The following DOCK4 variants were observed in gnomAD, a reference collection of about 807,000 sequenced individuals.
DOCK4 encodes the protein dedicator of cytokinesis 4, also known as dedicator of cytokinesis protein 4.
Under a neutral mutation model 268.1 loss-of-function variants are expected in DOCK4, and 97 were observed. The observed-to-expected ratio is 0.36, with a 90% CI of 0.31 to 0.43. The LOEUF (loss-of-function observed/expected upper bound fraction) is 0.43. DOCK4 is among the 20% of genes least tolerant of loss of function. The probability of loss-of-function intolerance (pLI) is 1.00; values close to 1 mark genes in which losing one functional copy is unlikely to be tolerated. For missense variants in DOCK4, 2,145 were observed against 2,455.7 expected, an observed-to-expected ratio of 0.87 and a Z score of 2.67; for synonymous variants, 954 against 887.2, an observed-to-expected ratio of 1.08 and a Z score of -1.34.
chr7:112,161,028 T>C (rs1285037548), intron 1 of DOCK4, among the ~76,000 whole-genome samples: 1 of 152,138 alleles, frequency 6.6e-6, no homozygotes, highest in African/African-American at 2.4e-5. Flanking sequence ...CTCAAGTGAG[T>C]CATAGGCTTT....
intron 12 of DOCK4, among the ~76,000 whole-genome samples, chr7:111,922,816 C>T (rs1416038745): frequency 7.2e-5 from 11 of 152,142 alleles, no homozygotes; most frequent in South Asian, 4.2e-4. Context: ...CTCCTGACCT[C>T]GGTATCCACC....
At position 111,790,598 on chromosome 7, in the gene DOCK4, G is replaced by C; in HGVS notation, c.3174C>G (p.His1058Gln). 6.2e-7 allele frequency: 1 copy of C among 1,611,666 alleles called. No individual in the cohort carries two copies. Among genetic ancestry groups the C allele is most frequent in the Non-Finnish European group, 8.5e-7 (1 of 1,179,042 alleles). ...IFSMWQNLGE[H>Q]KLHFIPALIG... The stretch of plus-strand genomic sequence containing the variant: ...TCAGGGCAGGGATAAAATGAAGCTT[G>C]TGCTCTCCTAAAGTGAGAAAAATAT... The change falls in exon 31 of 53, where the codon CAC (histidine) becomes CAG (glutamine). Residue 1058 changes from histidine to glutamine, a missense_variant. By Grantham distance (24) the His-to-Gln change is conservative. Transcript: ENST00000428084.
chr7:111,817,406 C>T (rs893629616), intron 27 of DOCK4, among the ~76,000 whole-genome samples: 1 of 152,116 alleles, frequency 6.6e-6, no homozygotes, highest in Admixed American at 6.6e-5. Context: ...GCATATTCCA[C>T]CTTCCTTCCT....
chr7:111,743,498 A>C lies in DOCK4; in HGVS notation c.4678-1366T>G, dbSNP rs189684448. ...TGGAGTGCAGTGTGTATGAGGCATA[A>C]AGGGAGAGGCTACATCTGTGATGAG... is the stretch of plus-strand genomic sequence containing the variant. On this transcript the variant is annotated intron_variant, in intron 44 of 52. Coordinates refer to ENST00000428084, the MANE Select transcript of DOCK4 (RefSeq NM_001363540.2). 6.0e-3 allele frequency among the ~76,000 whole-genome samples: 908 copies of C among 152,232 alleles called. 8 individuals carry two copies. The highest frequency in any genetic ancestry group is 9.7e-3 in the Non-Finnish European group (663 of 68,002).
chr7:111,980,240 A>T (rs1382611157), intron 7 of DOCK4, among the ~76,000 whole-genome samples: 3 of 152,106 alleles, frequency 2.0e-5, no homozygotes, highest in Non-Finnish European at 4.4e-5. Flanking sequence ...CATCCCCACT[A>T]TTCTTTCAGG....
chr7:112,038,205 T>C (rs1014875794), intron 1 of DOCK4, among the ~76,000 whole-genome samples: 3 of 152,228 alleles, frequency 2.0e-5, no homozygotes, highest in African/African-American at 7.2e-5. Flanking sequence ...GCTTTGTAAC[T>C]GTCTTCTTTT....
chr7:112,175,388 C>T (rs770644863), intron 1 of DOCK4, among the ~76,000 whole-genome samples: 1 of 151,940 alleles, frequency 6.6e-6, no homozygotes, highest in Non-Finnish European at 1.5e-5. Flanking sequence ...GAAATTTTTC[C>T]CTTATTTGCC....
At position 112,018,143 on chromosome 7, in the gene DOCK4, CAAAAAAAAAAAAAAAAAAAAAAA is replaced by C. The variant is rs140883588; in HGVS notation, c.38-14035_38-14013del. Among the ~76,000 whole-genome samples, 13 of 20,640 alleles carry C rather than the reference CAAAAAAAAAAAAAAAAAAAAAAA, an allele frequency of 6.3e-4. 1 individual carries two copies. The highest frequency in any genetic ancestry group is 1.9e-3 in the Admixed American group (2 of 1,044). The allele number at this position is 20,640 out of a possible 152,430, so 13.5% of individuals were successfully genotyped here. The stretch of plus-strand genomic sequence containing the variant: ...TGGGCAACACAGCAAGACTCCAGCT[CAAAAAAAAAAAAAAAAAAAAAAA>C]AAAAAAAAAAAAAACACAGGCAACC... On this transcript the variant is annotated intron_variant, in intron 1 of 52. Coordinates refer to ENST00000428084, the MANE Select transcript of DOCK4 (RefSeq NM_001363540.2).
At chr7:111,751,593 A>T (rs2133517077) in intron 42 of DOCK4, among the ~76,000 whole-genome samples, 1 of 152,174 alleles carries the variant, frequency 6.6e-6, no homozygotes, top group South Asian at 2.1e-4. Context: ...TACAGGCGTG[A>T]TCCACCATGC....
At chr7:112,050,910 T>G (rs888335735) in intron 1 of DOCK4, among the ~76,000 whole-genome samples, 2 of 152,160 alleles carry the variant, frequency 1.3e-5, no homozygotes, top group African/African-American at 2.4e-5. Flanking sequence ...ATTTCAAAGT[T>G]AATAATTTCT....
At chr7:111,909,350 A>G (rs1304374226) in intron 13 of DOCK4, among the ~76,000 whole-genome samples, 2 of 152,212 alleles carry the variant, frequency 1.3e-5, no homozygotes, top group Non-Finnish European at 2.9e-5. Context: ...GAAATTGCTT[A>G]CTTTCTTAAA....
chr7:111,858,975 G>A (rs1029120927), intron 23 of DOCK4, among the ~76,000 whole-genome samples: 3 of 152,154 alleles, frequency 2.0e-5, no homozygotes, highest in East Asian at 1.9e-4. Context: ...GGTCTGAAAA[G>A]GTTTTGAAAT....
chr7:112,000,503 T>A lies in DOCK4; in HGVS notation c.153A>T (p.Pro51=). 2 of 1,535,372 alleles carry A rather than the reference T, an allele frequency of 1.3e-6. No homozygotes were observed. The highest frequency in any genetic ancestry group is 4.6e-5 in the East Asian group (2 of 43,184). ...GWYRGFALKN[P]NIKGIFPSSY... Reference sequence around the variant, plus strand: ...AAATAACAATTTTTACCTTGATATTTGGGTTTTTTAAGGCAAATCCTCTGT... The same window carrying A: ...AAATAACAATTTTTACCTTGATATTAGGGTTTTTTAAGGCAAATCCTCTGT... Residue 51 remains proline, a synonymous_variant, in exon 3 of 53, where the codon CCA becomes CCT. Transcript: ENST00000428084.
intron 22 of DOCK4, among the ~76,000 whole-genome samples, chr7:111,866,079 G>T (rs1431664617): frequency 6.6e-6 from 1 of 152,204 alleles, no homozygotes; most frequent in Non-Finnish European, 1.5e-5. Context: ...CTATAGAACT[G>T]TGGGCTAATA....
intron 1 of DOCK4, among the ~76,000 whole-genome samples, chr7:112,082,620 C>A (rs1808700580): frequency 6.6e-6 from 1 of 152,086 alleles, no homozygotes. Flanking sequence ...TAATATTAAA[C>A]CCTCGACTAA....
intron 8 of DOCK4, chr7:111,976,879 T>C (rs1798246242): frequency 3.2e-6 from 1 of 316,380 alleles, no homozygotes; most frequent in East Asian, 5.2e-5. Context: ...TTGATATCCA[T>C]GCCATACTTC....
chr7:111,750,602 G>A (rs140071328), intron 42 of DOCK4, among the ~76,000 whole-genome samples: 93 of 152,232 alleles, frequency 6.1e-4, no homozygotes, highest in Admixed American at 4.6e-3. Context: ...CCTAGCAGAC[G>A]ATGTGTAATG....
At chr7:112,038,969 T>C (rs966429933) in intron 1 of DOCK4, among the ~76,000 whole-genome samples, 1 of 152,218 alleles carries the variant, frequency 6.6e-6, no homozygotes, top group Non-Finnish European at 1.5e-5. Flanking sequence ...GCAGTGTTCA[T>C]GTTCATTTTA....
chr7:112,140,800 T>C (rs1814848216), intron 1 of DOCK4, among the ~76,000 whole-genome samples: 1 of 152,016 alleles, frequency 6.6e-6, no homozygotes, highest in Non-Finnish European at 1.5e-5. Flanking sequence ...GTTGGCAACC[T>C]TCCAACACAC....
Sources: allele counts gnomAD v4.1 joint callset (sites outside exome capture counted in the v4.1 genomes callset), GRCh38; gene constraint gnomAD v4.1.1; transcripts MANE v1.5; gene names NCBI Gene and HGNC (gene_info 2026-07-23, HGNC 2026-07-21).